DISC1: variants seen among roughly 807,000 people sequenced by gnomAD.
DISC1 encodes the protein DISC1 scaffold protein.
In DISC1, 57 loss-of-function variants were observed where a neutral mutation model predicts 84.5. The observed-to-expected ratio is 0.67, with a 90% CI of 0.55 to 0.84. DISC1 has a LOEUF of 0.84. DISC1 is among the 40% of genes least tolerant of loss of function. The pLI is 0.00. For synonymous variants in DISC1, 411 were observed against 415.2 expected (o/e 0.99, Z 0.12); for missense variants, 1,000 against 1,057.8 (o/e 0.95, Z 0.76).
intron 12 of DISC1, among the ~76,000 whole-genome samples, chr1:232,029,505 T>G (rs1669796646): frequency 6.6e-6 from 1 of 152,202 alleles, no homozygotes; most frequent in Admixed American, 6.5e-5. Context: ...ATTTCCATGT[T>G]TGATCAAAGA....
At chr1:231,764,958 G>A (rs192324932) in intron 4 of DISC1, among the ~76,000 whole-genome samples, 63 of 152,190 alleles carry the variant, frequency 4.1e-4, no homozygotes, top group Non-Finnish European at 7.4e-5. Flanking sequence ...TTGGGAGGCC[G>A]AGGTGGGCGG....
intron 9 of DISC1, among the ~76,000 whole-genome samples, chr1:231,910,696 T>C (rs568509212): frequency 6.6e-6 from 1 of 152,272 alleles, no homozygotes; most frequent in East Asian, 1.9e-4. Flanking sequence ...TAGGTCTGCT[T>C]GGTGTGGAGC....
intron 1 of DISC1, among the ~76,000 whole-genome samples, chr1:231,647,523 G>T (rs2060234817): frequency 6.6e-6 from 1 of 152,174 alleles, no homozygotes; most frequent in South Asian, 2.1e-4. Context: ...TCTTGCTTAG[G>T]ATTGTTTTGG....
At chr1:232,033,702 GA>G (rs888421173) in intron 12 of DISC1, among the ~76,000 whole-genome samples, 4 of 72,614 alleles carry the variant, frequency 5.5e-5, no homozygotes, top group Admixed American at 5.0e-4. Flanking sequence ...ATGAGTGAAA[GA>G]AAGAAAGAGG....
At chr1:232,001,279 A>C (rs1027682873) in intron 10 of DISC1, among the ~76,000 whole-genome samples, 1 of 152,070 alleles carries the variant, frequency 6.6e-6, no homozygotes, top group Non-Finnish European at 1.5e-5. Context: ...GGGTTTCACC[A>C]TATTGGTCAG....
At chr1:231,895,225 G>A (rs1192418759) in intron 9 of DISC1, among the ~76,000 whole-genome samples, 1 of 150,914 alleles carries the variant, frequency 6.6e-6, no homozygotes, top group African/African-American at 2.4e-5. Flanking sequence ...TTCATTCTAG[G>A]CATCTTTAAC....
Position 231,698,631 on chromosome 1 carries a change from G to A in DISC1, c.1048-3324G>A, listed in dbSNP as rs1367689152. On this transcript the variant is annotated intron_variant, in intron 2 of 12. Transcript: ENST00000439617. This position sits in a 1 kb window ranked among gnomAD's most constrained non-coding sequence, Gnocchi z 4.9. ...CAGGGCCTTATAGAGATCACTGGAC[G>A]AGGTGGGCATCGTGGGGTGGGCTTT... Among the ~76,000 whole-genome samples the A allele has an allele frequency of 2.0e-5, 3 of 152,202 alleles. No individual in the cohort carries two copies. The highest frequency in any genetic ancestry group is 7.2e-5 in the African/African-American group (3 of 41,452).
At chr1:231,991,151 C>T (rs1389667520) in intron 10 of DISC1, among the ~76,000 whole-genome samples, 1 of 152,218 alleles carries the variant, frequency 6.6e-6, no homozygotes, top group Non-Finnish European at 1.5e-5. Context: ...ATTATTGTCT[C>T]TCTAACTCTT....
intron 9 of DISC1, among the ~76,000 whole-genome samples, chr1:231,904,179 G>A (rs942920734): frequency 6.6e-6 from 1 of 152,212 alleles, no homozygotes; most frequent in Non-Finnish European, 1.5e-5. Flanking sequence ...TGCTCATCCT[G>A]TGGGTGCAGG....
intron 1 of DISC1, among the ~76,000 whole-genome samples, chr1:231,656,197 C>G (rs1038897747): frequency 6.6e-6 from 1 of 151,986 alleles, no homozygotes. Context: ...AGGTTTTGTT[C>G]TAGAATTTTT....
At chr1:231,875,814 C>G (rs2085849705) in intron 9 of DISC1, among the ~76,000 whole-genome samples, 3 of 152,058 alleles carry the variant, frequency 2.0e-5, no homozygotes, top group Admixed American at 2.0e-4. Context: ...TTCACAATTC[C>G]CCCACACAGT....
rs1553393983 is a variant in DISC1 at position 231,912,742 on chromosome 1, C to CT, written c.1982-46084dup. The stretch of plus-strand genomic sequence containing the variant: ...GGGACATTTAAGTCTGCAGCTTGCT[C>CT]TTCTTTCTTTCTTTCTTTCTTTCTT... On this transcript the variant is annotated intron_variant, in intron 9 of 12. Coordinates refer to ENST00000439617, the MANE Select transcript of DISC1 (RefSeq NM_018662.3). 7.5e-3 allele frequency among the ~76,000 whole-genome samples: 994 copies of CT among 132,566 alleles called. 19 individuals carry two copies. The highest frequency in any genetic ancestry group is 0.047 in the East Asian group (117 of 2,494). The allele number at this position is 132,566 out of a possible 152,430, so 87.0% of individuals were successfully genotyped here. A position where few individuals can be genotyped will look rare whatever the true frequency, so the allele number is the denominator to read the frequency against.
intron 1 of DISC1, among the ~76,000 whole-genome samples, chr1:231,634,365 C>T (rs796437647): frequency 8.6e-5 from 13 of 151,902 alleles, no homozygotes; most frequent in African/African-American, 2.4e-4. Context: ...AGAGATAAAA[C>T]GGGGTTCTAA....
intron 9 of DISC1, among the ~76,000 whole-genome samples, chr1:231,848,175 C>T (rs180766132): frequency 7.2e-5 from 11 of 152,240 alleles, no homozygotes; most frequent in Admixed American, 6.5e-5. Flanking sequence ...CTTGGAGACG[C>T]GTATCAATGC....
chr1:231,849,574 GTA>G, intron 9 of DISC1, among the ~76,000 whole-genome samples: 1 of 152,184 alleles, frequency 6.6e-6, no homozygotes, highest in Non-Finnish European at 1.5e-5. Context: ...GTTTTCATGT[GTA>G]TATGTGTGTG....
At chr1:231,887,018 T>C (rs1403599734) in intron 9 of DISC1, among the ~76,000 whole-genome samples, 1 of 151,738 alleles carries the variant, frequency 6.6e-6, no homozygotes, top group Non-Finnish European at 1.5e-5. Flanking sequence ...TGCATCACCA[T>C]GCACAGCTAA....
intron 12 of DISC1, among the ~76,000 whole-genome samples, chr1:232,026,858 C>T (rs1486901224): frequency 6.7e-6 from 1 of 148,262 alleles, no homozygotes; most frequent in Non-Finnish European, 1.5e-5. Context: ...AAACGGTTCT[C>T]CTGCCTCAGC....
rs187499812 is a variant in DISC1 at position 231,981,065 on chromosome 1, G to T, written c.2042+22177G>T. Among the ~76,000 whole-genome samples, 4 of 152,228 alleles carry T rather than the reference G, an allele frequency of 2.6e-5. No individual in the cohort carries two copies. In the East Asian group the frequency reaches 7.7e-4, roughly 29 times the overall value. On this transcript the variant is annotated intron_variant, in intron 10 of 12. Coordinates refer to ENST00000439617, the MANE Select transcript of DISC1 (RefSeq NM_018662.3). ...GGGCTCGATTAATTATCTTACCTTA[G>T]CCTCCAAGTCTAGGTCCACAAGCAC...
chr1:231,648,321 G>T (rs2060308803), intron 1 of DISC1, among the ~76,000 whole-genome samples: 2 of 151,916 alleles, frequency 1.3e-5, no homozygotes, highest in African/African-American at 2.4e-5. Flanking sequence ...ATAATCATGT[G>T]TTTTTTTTCA....
Sources: gnomAD v4.1 joint callset for allele counts (sites outside exome capture counted in the v4.1 genomes callset) on GRCh38, gnomAD v4.1.1 for gene constraint, Gnocchi (gnomAD v3.1) non-coding constraint, MANE v1.5 for transcripts, NCBI Gene and HGNC (gene_info 2026-07-23, HGNC 2026-07-21) for gene names.